DENND5A: variants seen among roughly 807,000 people sequenced by gnomAD.
The protein encoded by DENND5A is DENN domain-containing protein 5A.
A neutral mutation model predicts 140.3 loss-of-function variants in DENND5A; 64 were observed. The ratio of observed to expected loss-of-function variants is 0.46; its 90% CI spans 0.37 to 0.56. DENND5A has a LOEUF of 0.56. DENND5A is among the 20% of genes least tolerant of loss of function. The probability of loss-of-function intolerance (pLI) is 0.00; values close to 1 mark genes in which losing one functional copy is unlikely to be tolerated. For synonymous variants in DENND5A, 605 were observed against 607.7 expected, an observed-to-expected ratio of 1.00 and a Z score of 0.07; for missense variants, 1,292 against 1,593.8, an observed-to-expected ratio of 0.81 and a Z score of 3.22.
intron 4 of DENND5A, chr11:9,203,435 C>T: frequency 2.1e-6 from 1 of 473,248 alleles, no homozygotes; most frequent in Non-Finnish European, 3.8e-6. Context: ...AAGCAATGTT[C>T]CCCTCCAAGA....
At position 9,207,636 on chromosome 11, in the gene DENND5A, T is replaced by C. The variant is rs749270404; in HGVS notation, c.110-4A>G. 6.2e-7 allele frequency: 1 copy of C among 1,601,780 alleles called. No homozygotes were observed. The highest frequency in any genetic ancestry group is 8.6e-7 in the Non-Finnish European group (1 of 1,169,230). ...GCCTGTATGTACTGGCATAATGCTA[T>C]ATGATAAATGAAATAACAGAGTATT... On this transcript the variant is annotated splice_region_variant and splice_polypyrimidine_tract_variant and intron_variant, in intron 1 of 22. Coordinates refer to ENST00000328194, the MANE Select transcript of DENND5A (RefSeq NM_015213.4).
At chr11:9,145,610 C>T in intron 17 of DENND5A, 60 bp downstream of exon 17, 1 of 1,595,232 alleles carries the variant, frequency 6.3e-7, no homozygotes, top group Non-Finnish European at 8.6e-7. Flanking sequence ...CAGAAAACTC[C>T]CCAAAGCGGC....
Position 9,145,814 on chromosome 11 carries a change from C to T in DENND5A, c.2859G>A (p.Leu953=). The T allele has an allele frequency of 6.2e-7, 1 of 1,614,158 alleles. No individual in the cohort carries two copies. Among genetic ancestry groups the T allele is most frequent in the Non-Finnish European group, 8.5e-7 (1 of 1,180,006 alleles). The change falls in exon 17 of 23, where the codon CTG becomes CTA. Residue 953 remains leucine (L), a splice_region_variant and synonymous_variant. Coordinates refer to ENST00000328194, the MANE Select transcript of DENND5A (RefSeq NM_015213.4). The part of the protein sequence containing the change: ...FCFTNVFTTI[L]IPYHILIVPS... The stretch of plus-strand genomic sequence containing the variant: ...GTACGATCAGAATGTGGTACGGGAT[C>T]ACTGTTTAGGGGAAGCCACAAAAGT...
intron 1 of DENND5A, among the ~76,000 whole-genome samples, chr11:9,216,498 T>C (rs1270251532): frequency 1.3e-5 from 2 of 152,142 alleles, no homozygotes; most frequent in Admixed American, 6.5e-5. Flanking sequence ...TTACCAACAG[T>C]AGGCTTGAGA....
intron 4 of DENND5A, among the ~76,000 whole-genome samples, chr11:9,200,361 T>C (rs1022549611): frequency 6.6e-6 from 1 of 152,214 alleles, no homozygotes; most frequent in Non-Finnish European, 1.5e-5. Context: ...CAATATGATT[T>C]GTCCAAGTCT....
rs1852388139 is a variant in DENND5A at position 9,265,098 on chromosome 11, T to G, written c.-29A>C. 1 of 1,402,704 alleles carries G rather than the reference T, an allele frequency of 7.1e-7. No homozygotes were observed. Among genetic ancestry groups the G allele is most frequent in the Non-Finnish European group, 9.3e-7 (1 of 1,073,316 alleles). The allele number at this position is 1,402,704 out of a possible 1,614,324, so 86.9% of individuals were successfully genotyped here. ...GCCGGGGCCGAGACCGGCCGGGCAG[T>G]GCGGAGCGGCACCGAGCCCCCGCAA... On this transcript the variant is annotated 5_prime_UTR_variant, in exon 1 of 23. Transcript: ENST00000328194. The surrounding 1 kb of genome is among the most constrained non-coding windows in gnomAD (Gnocchi z 4.7).
intron 1 of DENND5A, among the ~76,000 whole-genome samples, chr11:9,241,393 G>A (rs1023928068): frequency 2.0e-5 from 3 of 152,192 alleles, no homozygotes; most frequent in African/African-American, 7.2e-5. Flanking sequence ...GAAGTTCTCA[G>A]GTGATGCTGA....
chr11:9,207,673 G>C lies in DENND5A; in HGVS notation c.110-41C>G, dbSNP rs762384782. The C allele has an allele frequency of 4.2e-6, 6 of 1,422,952 alleles. No homozygotes were observed. The East Asian group carries it at 1.4e-4, about 33-fold the overall frequency. The allele number at this position is 1,422,952 out of a possible 1,614,324, so 88.1% of individuals were successfully genotyped here. ...AATAACAGAGTATTACAATAAAGCA[G>C]TGTTATTCAAACTTTTTTGACCATT... is the stretch of plus-strand genomic sequence containing the variant. On this transcript the variant is annotated intron_variant, in intron 1 of 22. Transcript: ENST00000328194.
intron 1 of DENND5A, among the ~76,000 whole-genome samples, chr11:9,249,658 C>T (rs1468848622): frequency 1.3e-5 from 2 of 152,170 alleles, no homozygotes; most frequent in African/African-American, 4.8e-5. Flanking sequence ...AGCAATTCTC[C>T]TGCCTCAGCC....
At chr11:9,174,025 C>A (rs1217292387) in intron 8 of DENND5A, among the ~76,000 whole-genome samples, 1 of 142,238 alleles carries the variant, frequency 7.0e-6, no homozygotes, top group African/African-American at 2.7e-5. Flanking sequence ...ATGGCGTGAA[C>A]CCGGAAGGCA....
In DENND5A at chr11:9,265,099, G is replaced by A. The variant is rs763587153; in HGVS notation, c.-30C>T. On this transcript the variant is annotated 5_prime_UTR_variant, in exon 1 of 23. Transcript: ENST00000328194. The surrounding 1 kb of genome is among the most constrained non-coding windows in gnomAD (Gnocchi z 4.7). ...CCGGGGCCGAGACCGGCCGGGCAGT[G>A]CGGAGCGGCACCGAGCCCCCGCAAC... The A allele has an allele frequency of 4.3e-6, 6 of 1,398,170 alleles. No homozygotes were observed. In the African/African-American group the frequency reaches 7.7e-5, roughly 18 times the overall value. The allele number at this position is 1,398,170 out of a possible 1,614,324, so 86.6% of individuals were successfully genotyped here. A position where few individuals can be genotyped will look rare whatever the true frequency, so the allele number is the denominator to read the frequency against.
chr11:9,148,668 C>CACAG (rs1425579648), intron 15 of DENND5A, among the ~76,000 whole-genome samples: 2 of 152,086 alleles, frequency 1.3e-5, no homozygotes, highest in Admixed American at 1.3e-4. Context: ...TGGGGGTAAG[C>CACAG]TTTTCAGAGA....
chr11:9,257,199 G>A (rs1179778287), intron 1 of DENND5A, among the ~76,000 whole-genome samples: 4 of 151,756 alleles, frequency 2.6e-5, no homozygotes, highest in Non-Finnish European at 5.9e-5. Context: ...TAGTAGAGAC[G>A]GGGTTTCATC....
intron 6 of DENND5A, 69 bp downstream of exon 6, chr11:9,180,698 T>A: frequency 6.7e-7 from 1 of 1,484,560 alleles, no homozygotes; most frequent in Non-Finnish European, 9.2e-7. Context: ...TCTCATCCCA[T>A]ACCTTACTTC....
At chr11:9,161,768 A>G (rs76260390) in intron 11 of DENND5A, among the ~76,000 whole-genome samples, 1,834 of 152,242 alleles carry the variant, frequency 0.012, 35 homozygotes, top group African/African-American at 0.041. Flanking sequence ...AACTATTATT[A>G]TTGTTCCCAA....
intron 1 of DENND5A, among the ~76,000 whole-genome samples, chr11:9,248,688 A>G (rs1381223765): frequency 6.6e-6 from 1 of 151,912 alleles, no homozygotes; most frequent in Non-Finnish European, 1.5e-5. Flanking sequence ...ATGACCTGGA[A>G]TTTAGTTTTT....
intron 1 of DENND5A, among the ~76,000 whole-genome samples, chr11:9,213,250 C>G (rs953489846): frequency 6.6e-6 from 1 of 151,916 alleles, no homozygotes; most frequent in Non-Finnish European, 1.5e-5. Context: ...AGGCAATCCA[C>G]CCGCCTCAGC....
At chr11:9,159,130 T>G (rs1213697279) in intron 12 of DENND5A, among the ~76,000 whole-genome samples, 1 of 152,148 alleles carries the variant, frequency 6.6e-6, no homozygotes, top group Non-Finnish European at 1.5e-5. Flanking sequence ...CTGGCTTCTT[T>G]CACTTAGTAT....
intron 13 of DENND5A, 69 bp from the exon 14 acceptor site, chr11:9,150,833 C>T (rs1294610271): frequency 2.2e-6 from 2 of 918,562 alleles, no homozygotes; most frequent in East Asian, 2.6e-5. Context: ...CCTTCCCTTA[C>T]CTTAAATCAC....
Sources: allele counts gnomAD v4.1 joint callset (sites outside exome capture counted in the v4.1 genomes callset), GRCh38; gene constraint gnomAD v4.1.1; non-coding constraint Gnocchi (gnomAD v3.1); transcripts MANE v1.5; gene names NCBI Gene and HGNC (gene_info 2026-07-23, HGNC 2026-07-21).